Variants in LARP1 observed in about 807,000 individuals in gnomAD.
The protein encoded by LARP1 is la-related protein 1.
LARP1 carries 36 observed loss-of-function variants against 122.7 expected under a neutral mutation model. The observed-to-expected ratio is 0.29, with a 90% CI of 0.22 to 0.39. The LOEUF is 0.39. LARP1 is among the 10% of genes least tolerant of loss of function. The probability of loss-of-function intolerance (pLI) is 1.00; values close to 1 mark genes in which losing one functional copy is unlikely to be tolerated. For missense variants in LARP1, 1,040 were observed against 1,403.6 expected, an observed-to-expected ratio of 0.74 and a Z score of 4.14; for synonymous variants, 539 against 528.7, an observed-to-expected ratio of 1.02 and a Z score of -0.27.
In LARP1 at chr5:154,719,403, C is replaced by T. The variant is rs549143539; in HGVS notation, c.205+6273C>T. ...TTGATGTCATGGATCCCTTGACAAT[C>T]TGCGAAACCTATGGGCTCCTTCTCA... On this transcript the variant is annotated intron_variant, in intron 1 of 18. Transcript: ENST00000336314. Among the ~76,000 whole-genome samples the T allele has an allele frequency of 3.3e-5, 5 of 152,334 alleles. No individual in the cohort carries two copies. In the East Asian group the frequency reaches 9.6e-4, roughly 29 times the overall value.
chr5:154,739,162 C>A (rs1252024923), intron 1 of LARP1, among the ~76,000 whole-genome samples: 2 of 151,950 alleles, frequency 1.3e-5, no homozygotes, highest in African/African-American at 2.4e-5. Flanking sequence ...ACTACAGGCA[C>A]CCGCCAACAC....
chr5:154,754,669 C>T (rs972842987), upstream of LARP1, among the ~76,000 whole-genome samples: 3 of 152,266 alleles, frequency 2.0e-5, no homozygotes, highest in African/African-American at 7.2e-5. Flanking sequence ...GGGCTAAAGA[C>T]TCGCTTTCCA....
At chr5:154,786,737 T>C in intron 1 of LARP1, 2 of 233,872 alleles carry the variant, frequency 8.6e-6, no homozygotes, top group Non-Finnish European at 1.8e-5. Context: ...GTTGAGGAGC[T>C]CTGGCAAGGG....
At chr5:154,773,469 G>A (rs74889230) in intron 1 of LARP1, among the ~76,000 whole-genome samples, 1 of 152,144 alleles carries the variant, frequency 6.6e-6, no homozygotes, top group South Asian at 2.1e-4. Flanking sequence ...CTGCAGGCAC[G>A]CTGGGGTTGA....
chr5:154,796,650 C>CTTACATAACATTTCATTTGA (rs1207642911), intron 8 of LARP1, among the ~76,000 whole-genome samples: 1 of 152,112 alleles, frequency 6.6e-6, no homozygotes, highest in Non-Finnish European at 1.5e-5. Flanking sequence ...GATTGTCTCT[C>CTTACATAACATTTCATTTGA]TTGTGCTATA....
chr5:154,775,021 G>C (rs1357343302), intron 1 of LARP1, among the ~76,000 whole-genome samples: 1 of 152,152 alleles, frequency 6.6e-6, no homozygotes, highest in Non-Finnish European at 1.5e-5. Context: ...ATCAGAAGAG[G>C]ACTAGGGCTG....
intron 1 of LARP1, among the ~76,000 whole-genome samples, chr5:154,691,782 C>G (rs915129728): frequency 6.7e-6 from 1 of 149,002 alleles, no homozygotes; most frequent in Non-Finnish European, 1.5e-5. Flanking sequence ...CAGGCACAGC[C>G]CTGCTCACCC....
chr5:154,722,446 G>C (rs1215922178), intron 1 of LARP1, among the ~76,000 whole-genome samples: 1 of 152,086 alleles, frequency 6.6e-6, no homozygotes, highest in Non-Finnish European at 1.5e-5. Flanking sequence ...CTGTTGATAG[G>C]TTAGAGAACA....
At position 154,756,142 on chromosome 5, in the gene LARP1, A is replaced by G; in HGVS notation, c.385A>G (p.Lys129Glu). ...APPPKVNPWT[K>E]NALPPVLTTV... ...CCCGCCCAAGGTGAACCCGTGGACT[A>G]AGAACGCATTGCCGCCGGTCCTGAC... Residue 129 changes from lysine to glutamate, a missense_variant, in exon 1 of 19, where the codon AAG (lysine) becomes GAG (glutamate). This residue lies in a region of LARP1 where 257 missense variants were observed against 273.3 expected (regional missense o/e 0.94). Coordinates refer to ENST00000518297, the MANE Select transcript of LARP1 (RefSeq NM_033551.3). 7.6e-7 allele frequency: 1 copy of G among 1,312,812 alleles called. No homozygotes were observed. The highest frequency in any genetic ancestry group is 1.2e-5 in the South Asian group (1 of 84,026). 81.3% of individuals were successfully genotyped at this position (1,312,812 alleles called of 1,614,324 possible).
intron 1 of LARP1, chr5:154,756,450 TGTGGTTCGGGC>T: frequency 2.0e-6 from 2 of 989,704 alleles, no homozygotes; most frequent in Admixed American, 6.1e-5. Context: ...TGGGCAACGG[TGTGGTTCGGGC>T]CTACCTCGTC....
chr5:154,791,884 T>C, intron 3 of LARP1: 1 of 443,522 alleles, frequency 2.3e-6, no homozygotes, highest in Non-Finnish European at 4.6e-6. Flanking sequence ...TGCCTGTTCA[T>C]CATCTCATCT....
rs566454487 is a variant in LARP1 at position 154,685,840 on chromosome 5, T to A, written c.-180+2803T>A. ...TTTTTTTTAAATTTTAGAGACGGGG[T>A]CTTGCTCTGTTGCCAGGCTTTGTGC... On this transcript the variant is annotated intron_variant, in intron 1 of 18. Coordinates refer to the LARP1 transcript ENST00000687700. 7 of 512,014 alleles carry A rather than the reference T, an allele frequency of 1.4e-5. No individual in the cohort carries two copies. The East Asian group carries it at 3.9e-4, about 29-fold the overall frequency. 31.7% of individuals were successfully genotyped at this position (512,014 alleles called of 1,614,324 possible).
chr5:154,773,896 G>T (rs1033521155), intron 1 of LARP1, among the ~76,000 whole-genome samples: 2 of 152,158 alleles, frequency 1.3e-5, no homozygotes, highest in African/African-American at 4.8e-5. Context: ...AAGGGGACAT[G>T]GGTTGGCCTG....
intron 1 of LARP1, among the ~76,000 whole-genome samples, chr5:154,763,891 G>A (rs1247021628): frequency 2.0e-5 from 3 of 152,152 alleles, no homozygotes; most frequent in African/African-American, 4.8e-5. Flanking sequence ...GTGCGTGCCT[G>A]TAATCCCAGC....
Position 154,811,653 on chromosome 5 carries a change from C to G in LARP1, c.3081+13C>G. On this transcript the variant is annotated intron_variant, in intron 18 of 18. Coordinates refer to ENST00000518297, the MANE Select transcript of LARP1 (RefSeq NM_033551.3). ...CTTCCGAGTAGATGTAAGTGAAACT[C>G]TTTCTCTAACTCTGCTTGTCCTGGA... 1 of 1,614,048 alleles carries G rather than the reference C, an allele frequency of 6.2e-7. No homozygotes were observed.
chr5:154,805,695 T>G, intron 14 of LARP1, 186 bp from the exon 15 acceptor site: 2 of 619,340 alleles, frequency 3.2e-6, no homozygotes. Flanking sequence ...TGTAAAACTC[T>G]CTGAGAGTTG....
upstream of LARP1, chr5:154,712,781 C>T: frequency 3.0e-6 from 2 of 677,920 alleles, no homozygotes; most frequent in Admixed American, 2.8e-5. Context: ...GCTGCCGTCG[C>T]TCTCTTAAAG....
At chr5:154,720,433 G>A (rs1044653675) in intron 1 of LARP1, among the ~76,000 whole-genome samples, 1 of 152,116 alleles carries the variant, frequency 6.6e-6, no homozygotes, top group African/African-American at 2.4e-5. Context: ...GGAAAACAGA[G>A]GCTAGGTGTA....
Position 154,803,603 on chromosome 5 carries a change from C to G in LARP1, c.2297C>G (p.Ser766Cys). The change falls in exon 13 of 19, where the codon TCT becomes TGT. Residue 766 changes from serine to cysteine, a missense_variant. By Grantham distance (112) the Ser-to-Cys change is moderately radical (BLOSUM62 -1). Around this residue, in one of 8 missense-constraint regions of LARP1, gnomAD observed 362 missense variants for 533.1 expected, o/e 0.68. Transcript: ENST00000518297. The surrounding 1 kb of genome is among the most constrained non-coding windows in gnomAD (Gnocchi z 4.4). ...CCTGAGCCCTCCACCATCGCCCGCT[C>G]TCTACCAACCACTGTCCCAGAGTCA... ...GAPEPSTIAR[S>C]LPTTVPESPN... 1 of 1,614,194 alleles carries G rather than the reference C, an allele frequency of 6.2e-7. No homozygotes were observed. The highest frequency in any genetic ancestry group is 1.1e-5 in the South Asian group (1 of 91,076).
Sources: gnomAD v4.1 joint callset for allele counts (sites outside exome capture counted in the v4.1 genomes callset) on GRCh38, gnomAD v4.1.1 for gene constraint, gnomAD v4.1.1 regional missense constraint, Gnocchi (gnomAD v3.1) non-coding constraint, MANE v1.5 for transcripts, NCBI Gene and HGNC (gene_info 2026-07-23, HGNC 2026-07-21) for gene names.